Variants in SKAP1 observed in about 807,000 individuals in gnomAD.
The protein encoded by SKAP1 is src kinase-associated phosphoprotein 1.
SKAP1 carries 44 observed loss-of-function variants against 58.5 expected under a neutral mutation model. That is an observed-to-expected ratio of 0.75 (90% CI 0.59 to 0.97). The LOEUF (loss-of-function observed/expected upper bound fraction) is 0.97, where lower values mean the gene tolerates loss of function less well. Ranked by LOEUF, SKAP1 falls within the 50% of genes least tolerant of loss-of-function variation. SKAP1 has a pLI of 0.00. For synonymous variants in SKAP1, 127 were observed against 149.7 expected (o/e 0.85, Z 1.11); for missense variants, 390 against 435.2 (o/e 0.90, Z 0.92).
At chr17:48,168,717 G>A (rs1180162934) in intron 10 of SKAP1, among the ~76,000 whole-genome samples, 1 of 152,080 alleles carries the variant, frequency 6.6e-6, no homozygotes, top group Non-Finnish European at 1.5e-5. Flanking sequence ...GCCCAAACTT[G>A]TGTAGCTTGT....
At chr17:48,177,101 C>CAG (rs991918919) in intron 9 of SKAP1, among the ~76,000 whole-genome samples, 4 of 152,210 alleles carry the variant, frequency 2.6e-5, no homozygotes, top group East Asian at 3.8e-4. Context: ...TGTCCCTCCA[C>CAG]CCAGCACCTG....
intron 11 of SKAP1, among the ~76,000 whole-genome samples, chr17:48,139,431 G>A (rs985545785): frequency 3.3e-5 from 5 of 150,136 alleles, no homozygotes; most frequent in South Asian, 2.1e-4. Flanking sequence ...TCCACCCGCC[G>A]CAGCCTCCCA....
At chr17:48,309,207 A>T (rs1323355676) in intron 4 of SKAP1, among the ~76,000 whole-genome samples, 1 of 152,136 alleles carries the variant, frequency 6.6e-6, no homozygotes, top group African/African-American at 2.4e-5. Flanking sequence ...GCAAAAAACA[A>T]CCATAAGTAG....
intron 1 of SKAP1, among the ~76,000 whole-genome samples, chr17:48,429,370 T>C (rs1203351524): frequency 1.3e-5 from 2 of 152,234 alleles, no homozygotes; most frequent in East Asian, 3.8e-4. Flanking sequence ...TTGACGGGGA[T>C]GGCCGGAACT....
chr17:48,389,827 T>C (rs2067324404), intron 2 of SKAP1, among the ~76,000 whole-genome samples: 1 of 152,148 alleles, frequency 6.6e-6, no homozygotes, highest in Non-Finnish European at 1.5e-5. Flanking sequence ...TGAAATAAAA[T>C]AAAATCCCAA....
intron 10 of SKAP1, among the ~76,000 whole-genome samples, chr17:48,165,250 A>G (rs2064121805): frequency 6.6e-6 from 1 of 152,194 alleles, no homozygotes; most frequent in Non-Finnish European, 1.5e-5. Flanking sequence ...GGAGGGCTTC[A>G]TTCCTGAAGC....
At chr17:48,162,997 A>G (rs2064089812) in intron 10 of SKAP1, among the ~76,000 whole-genome samples, 1 of 152,178 alleles carries the variant, frequency 6.6e-6, no homozygotes, top group East Asian at 1.9e-4. Flanking sequence ...TTTACAAGAA[A>G]GGCTTAGTCA....
chr17:48,217,331 G>A (rs2064952710), intron 4 of SKAP1, among the ~76,000 whole-genome samples: 1 of 151,984 alleles, frequency 6.6e-6, no homozygotes, highest in African/African-American at 2.4e-5. Flanking sequence ...AACAGAAGAG[G>A]GGTTTCTGAA....
chr17:48,355,236 C>T (rs1037061956), intron 3 of SKAP1, among the ~76,000 whole-genome samples: 1 of 152,102 alleles, frequency 6.6e-6, no homozygotes, highest in Admixed American at 6.6e-5. Context: ...TTATCAGTCA[C>T]CATGAGTATT....
chr17:48,149,549 T>C (rs1408916297), intron 11 of SKAP1, among the ~76,000 whole-genome samples: 3 of 152,232 alleles, frequency 2.0e-5, no homozygotes, highest in Non-Finnish European at 1.5e-5. Context: ...TCTGCACACA[T>C]AGGCGTTTCC....
intron 4 of SKAP1, among the ~76,000 whole-genome samples, chr17:48,245,445 T>G (rs1391301183): frequency 6.6e-6 from 1 of 152,232 alleles, no homozygotes; most frequent in African/African-American, 2.4e-5. Context: ...GCCTTTATTA[T>G]GCTTTAGAAC....
Position 48,216,188 on chromosome 17 carries a change from G to A in SKAP1, c.281-26688C>T, listed in dbSNP as rs75408505. On this transcript the variant is annotated intron_variant, in intron 4 of 12. Coordinates refer to ENST00000336915, the MANE Select transcript of SKAP1 (RefSeq NM_003726.4). ...TGTTGTTCTTGGCAGTATGAATTCC[G>A]GTGACTTTTGACATTTCTTAAACAG... 4.8e-3 allele frequency among the ~76,000 whole-genome samples: 726 copies of A among 152,200 alleles called. 3 individuals carry two copies. The highest frequency in any genetic ancestry group is 0.016 in the African/African-American group (679 of 41,524).
intron 3 of SKAP1, among the ~76,000 whole-genome samples, chr17:48,363,144 CCTTTTT>C (rs1407013373): frequency 8.5e-5 from 13 of 152,170 alleles, no homozygotes; most frequent in Non-Finnish European, 1.8e-4. Flanking sequence ...TTAATCCTGG[CCTTTTT>C]CTTTTTTTAA....
chr17:48,185,011 C>T (rs1043833483), intron 6 of SKAP1, 164 bp from the exon 7 acceptor site: 14 of 621,514 alleles, frequency 2.3e-5, no homozygotes, highest in African/African-American at 7.5e-5. Flanking sequence ...GAGGCTACTG[C>T]GACAGTAAGG....
At chr17:48,171,963 G>C (rs528418612) in intron 9 of SKAP1, among the ~76,000 whole-genome samples, 1 of 152,238 alleles carries the variant, frequency 6.6e-6, no homozygotes, top group Non-Finnish European at 1.5e-5. Context: ...AGGAGGCTGA[G>C]GCAAGAGAAT....
intron 4 of SKAP1, among the ~76,000 whole-genome samples, chr17:48,273,306 TATTTA>T (rs1460103212): frequency 6.6e-6 from 1 of 152,192 alleles, no homozygotes; most frequent in Non-Finnish European, 1.5e-5. Flanking sequence ...GTAACTGACA[TATTTA>T]ATTTATTTAT....
intron 4 of SKAP1, chr17:48,307,766 TTAA>T (rs1393481614): frequency 7.9e-5 from 12 of 152,224 alleles, no homozygotes; most frequent in Non-Finnish European, 1.6e-4. Context: ...TGTGGGGGTC[TTAA>T]TAATTTCTCA....
At chr17:48,289,577 C>A (rs1331427337) in intron 4 of SKAP1, among the ~76,000 whole-genome samples, 6 of 151,996 alleles carry the variant, frequency 3.9e-5, no homozygotes, top group Non-Finnish European at 5.9e-5. Flanking sequence ...AATTTTTAGG[C>A]TCTGTTAGCT....
intron 4 of SKAP1, among the ~76,000 whole-genome samples, chr17:48,223,523 C>T (rs1264801608): frequency 6.6e-6 from 1 of 152,208 alleles, no homozygotes; most frequent in African/African-American, 2.4e-5. Context: ...TTGGCATCAT[C>T]TGTGAACTGC....
Sources: gnomAD v4.1 joint callset for allele counts (sites outside exome capture counted in the v4.1 genomes callset) on GRCh38, gnomAD v4.1.1 for gene constraint, MANE v1.5 for transcripts, NCBI Gene and HGNC (gene_info 2026-07-23, HGNC 2026-07-21) for gene names.